RUNX2: variants seen among roughly 807,000 people sequenced by gnomAD.
The protein encoded by RUNX2 is RUNX family transcription factor 2.
RUNX2 carries 10 observed loss-of-function variants against 51.7 expected under a neutral mutation model. The ratio of observed to expected loss-of-function variants is 0.19; its 90% CI spans 0.12 to 0.33. RUNX2 has a LOEUF of 0.33. Among genes scored for constraint, RUNX2 ranks in the 10% least tolerant of loss-of-function variants. The pLI, the probability that RUNX2 is intolerant of heterozygous loss-of-function variation, is 1.00. For missense variants in RUNX2, 562 were observed against 691.3 expected, an observed-to-expected ratio of 0.81 and a Z score of 2.10; for synonymous variants, 276 against 273.6, an observed-to-expected ratio of 1.01 and a Z score of -0.09.
intron 4 of RUNX2, among the ~76,000 whole-genome samples, chr6:45,435,046 G>A (rs764963234): frequency 6.6e-6 from 1 of 152,174 alleles, no homozygotes; most frequent in Admixed American, 6.5e-5. Context: ...CACTTTTGCT[G>A]TAGTTGTTAA....
intron 2 of RUNX2, among the ~76,000 whole-genome samples, chr6:45,395,457 A>G (rs1036647124): frequency 5.3e-5 from 8 of 152,306 alleles, no homozygotes; most frequent in African/African-American, 7.2e-5. Context: ...CTGAACCCAT[A>G]TGAGCTCATA....
At position 45,549,337 on chromosome 6, in the gene RUNX2, C is replaced by T. The variant is rs1274860949; in HGVS notation, c.*2032C>T. 2.5e-6 allele frequency: 1 copy of T among 398,468 alleles called. No homozygotes were observed. The highest frequency in any genetic ancestry group is 4.4e-6 in the Non-Finnish European group (1 of 226,062). 24.7% of individuals were successfully genotyped at this position (398,468 alleles called of 1,614,324 possible). A position where few individuals can be genotyped will look rare whatever the true frequency, so the allele number is the denominator to read the frequency against. ...CTCAAACCCACCTTTGTAGGCCACCCAGCATTGCAGGACAGCGTGTGGGGC... is the reference window on the plus strand; with the variant it reads ...CTCAAACCCACCTTTGTAGGCCACCTAGCATTGCAGGACAGCGTGTGGGGC... On this transcript the variant is annotated 3_prime_UTR_variant, in exon 9 of 9. Coordinates refer to ENST00000647337, the MANE Select transcript of RUNX2 (RefSeq NM_001024630.4).
In RUNX2 at chr6:45,550,109, A is replaced by G. The variant is rs1474285126; in HGVS notation, c.*2804A>G. 2.0e-5 allele frequency: 3 copies of G among 152,028 alleles called. No homozygotes were observed. Among genetic ancestry groups the G allele is most frequent in the Non-Finnish European group, 1.5e-5 (1 of 67,994 alleles). The allele number at this position is 152,028 out of a possible 1,614,324, so 9.4% of individuals were successfully genotyped here. ...TACTACTACTGTGGAACCATGTACT[A>G]GTTCCTGGGAATTAAAATAGCGTGG... is the stretch of plus-strand genomic sequence containing the variant. On this transcript the variant is annotated 3_prime_UTR_variant, in exon 9 of 9. Transcript: ENST00000647337.
chr6:45,418,176 G>A (rs369077253), intron 2 of RUNX2, among the ~76,000 whole-genome samples: 110 of 115,422 alleles, frequency 9.5e-4, no homozygotes, highest in African/African-American at 3.3e-3. Flanking sequence ...TTCATCATAA[G>A]TATATATAAA....
At position 45,474,326 on chromosome 6, in the gene RUNX2, T is replaced by A. The variant is rs183087901; in HGVS notation, c.686-17615T>A. On this transcript the variant is annotated intron_variant, in intron 5 of 8. Transcript: ENST00000647337. ...GGGAATATTTGGGAATAAACTAAGT[T>A]AGGAAAAGATATTAAACAATGGCCA... Among the ~76,000 whole-genome samples the A allele has an allele frequency of 4.9e-3, 752 of 152,038 alleles. 7 individuals carry two copies. Among genetic ancestry groups the A allele is most frequent in the African/African-American group, 0.017 (709 of 41,474 alleles).
At chr6:45,367,881 A>C (rs138742924) in intron 2 of RUNX2, among the ~76,000 whole-genome samples, 1 of 152,288 alleles carries the variant, frequency 6.6e-6, no homozygotes, top group African/African-American at 2.4e-5. Flanking sequence ...ATTTTTCTTG[A>C]CATGATGAGC....
chr6:45,499,182 T>C lies in RUNX2; in HGVS notation c.859+7068T>C, dbSNP rs139483108. On this transcript the variant is annotated intron_variant, in intron 6 of 8. Transcript: ENST00000647337. Reference sequence around the variant, plus strand: ...AAAGACAGATTGTTGGAAGTGGTTCTTTTTTACTTTGGTGGTGCAGTGTTG... The same window carrying C: ...AAAGACAGATTGTTGGAAGTGGTTCCTTTTTACTTTGGTGGTGCAGTGTTG... Among the ~76,000 whole-genome samples the C allele has an allele frequency of 1.5e-3, 228 of 152,292 alleles. 1 individual carries two copies. The highest frequency in any genetic ancestry group is 3.6e-3 in the Admixed American group (55 of 15,306).
At chr6:45,421,895 A>G (rs886152216) in intron 2 of RUNX2, 1 of 152,154 alleles carries the variant, frequency 6.6e-6, no homozygotes, top group Non-Finnish European at 1.5e-5. Context: ...AAATTGCAGG[A>G]GGGAGTGGAT....
chr6:45,509,048 A>C (rs1342309358), intron 6 of RUNX2, among the ~76,000 whole-genome samples: 1 of 152,170 alleles, frequency 6.6e-6, no homozygotes. Context: ...TTTAATAATG[A>C]TGATTTTCCA....
At chr6:45,530,400 C>T (rs1801805110) in intron 7 of RUNX2, among the ~76,000 whole-genome samples, 1 of 152,144 alleles carries the variant, frequency 6.6e-6, no homozygotes, top group African/African-American at 2.4e-5. Flanking sequence ...AAGTAAGTTC[C>T]AACAAGTGTA....
At chr6:45,537,187 A>G (rs944426404) in intron 7 of RUNX2, among the ~76,000 whole-genome samples, 1 of 152,230 alleles carries the variant, frequency 6.6e-6, no homozygotes, top group East Asian at 1.9e-4. Context: ...AGACAATATC[A>G]GAATTCTGGG....
chr6:45,335,052 TA>T (rs1238486919), intron 2 of RUNX2, among the ~76,000 whole-genome samples: 1 of 151,330 alleles, frequency 6.6e-6, no homozygotes, highest in Non-Finnish European at 1.5e-5. Context: ...TTCCTATTTA[TA>T]AATATTATCT....
At chr6:45,480,390 C>T (rs552271604) in intron 5 of RUNX2, among the ~76,000 whole-genome samples, 21 of 152,292 alleles carry the variant, frequency 1.4e-4, no homozygotes, top group East Asian at 9.6e-4. Context: ...ATTTCAAAGA[C>T]GTCTCTTGTT....
At chr6:45,512,978 C>G (rs2150421902) in intron 7 of RUNX2, among the ~76,000 whole-genome samples, 1 of 152,284 alleles carries the variant, frequency 6.6e-6, no homozygotes, top group Non-Finnish European at 1.5e-5. Context: ...GGCAGACTTT[C>G]TGTGAAACAT....
chr6:45,530,105 C>A (rs1324834921), intron 7 of RUNX2, among the ~76,000 whole-genome samples: 1 of 152,182 alleles, frequency 6.6e-6, no homozygotes. Context: ...ACTTGCAAAG[C>A]CACAGCTTCT....
chr6:45,365,445 T>C, intron 2 of RUNX2: 2 of 581,908 alleles, frequency 3.4e-6, no homozygotes, highest in South Asian at 2.4e-5. Flanking sequence ...GATTCACTTA[T>C]ACTTAATGTT....
At chr6:45,437,329 AG>A (rs1383106615) in intron 4 of RUNX2, among the ~76,000 whole-genome samples, 4 of 152,074 alleles carry the variant, frequency 2.6e-5, no homozygotes, top group Non-Finnish European at 5.9e-5. Context: ...ATGTTAGGGG[AG>A]GGGTGGACAG....
intron 6 of RUNX2, among the ~76,000 whole-genome samples, chr6:45,494,126 CTG>C (rs1423780150): frequency 6.6e-6 from 1 of 152,180 alleles, no homozygotes; most frequent in Non-Finnish European, 1.5e-5. Context: ...TGAAGAGGAT[CTG>C]TGTTTTAGTA....
intron 7 of RUNX2, among the ~76,000 whole-genome samples, chr6:45,521,212 A>G (rs1314534535): frequency 2.0e-5 from 3 of 152,218 alleles, no homozygotes; most frequent in Non-Finnish European, 4.4e-5. Context: ...AGGAAGATAG[A>G]TATGTAGGAG....
Sources: allele counts gnomAD v4.1 joint callset (sites outside exome capture counted in the v4.1 genomes callset), GRCh38; gene constraint gnomAD v4.1.1; transcripts MANE v1.5; gene names NCBI Gene and HGNC (gene_info 2026-07-23, HGNC 2026-07-21).